SGCZ: variants seen among roughly 807,000 people sequenced by gnomAD.
SGCZ encodes zeta-sarcoglycan.
SGCZ carries 40 observed loss-of-function variants against 41.3 expected under a neutral mutation model. The ratio of observed to expected loss-of-function variants is 0.97; its 90% CI spans 0.75 to 1.26. SGCZ has a LOEUF of 1.26. Among genes scored for constraint, SGCZ ranks in the 50% most tolerant of loss-of-function variants. The pLI is 0.00. For synonymous variants in SGCZ, 206 were observed against 137.5 expected, an observed-to-expected ratio of 1.50 and a Z score of -3.49; for missense variants, 552 against 369.8, an observed-to-expected ratio of 1.49 and a Z score of -4.04.
chr8:14,397,486 T>G (rs1798951860), intron 2 of SGCZ, among the ~76,000 whole-genome samples: 1 of 152,158 alleles, frequency 6.6e-6, no homozygotes, highest in African/African-American at 2.4e-5. Flanking sequence ...GCTGTGATAG[T>G]GTCCAAGTTA....
At chr8:14,155,570 C>T (rs963116482) in intron 5 of SGCZ, among the ~76,000 whole-genome samples, 2 of 151,990 alleles carry the variant, frequency 1.3e-5, no homozygotes, top group Non-Finnish European at 2.9e-5. Context: ...TGAAATGGTG[C>T]TTTTCTAATC....
chr8:14,539,983 C>A (rs1169255185), intron 2 of SGCZ, among the ~76,000 whole-genome samples: 1 of 151,784 alleles, frequency 6.6e-6, no homozygotes, highest in East Asian at 1.9e-4. Flanking sequence ...CAGGTGAACA[C>A]AACACGCTGA....
chr8:14,145,607 A>C (rs553628179), intron 5 of SGCZ, among the ~76,000 whole-genome samples: 12 of 152,356 alleles, frequency 7.9e-5, no homozygotes, highest in African/African-American at 2.9e-4. Flanking sequence ...CAAAAGGACC[A>C]ATCTTGGAGA....
At position 14,412,808 on chromosome 8, in the gene SGCZ, TTTAA is replaced by T. The variant is rs1250449696; in HGVS notation, c.235-88608_235-88605del. Among the ~76,000 whole-genome samples, 4 of 152,130 alleles carry T rather than the reference TTTAA, an allele frequency of 2.6e-5. No homozygotes were observed. The East Asian group carries it at 7.7e-4, about 29-fold the overall frequency. On this transcript the variant is annotated intron_variant, in intron 2 of 7. Transcript: ENST00000382080. ...GCAGCAACTATAAGGATGGCATAAC[TTTAA>T]TTAAAATAGTTGAACTTGAAGAGTA...
In SGCZ at chr8:14,674,928, G is replaced by GCTTTTTTTTTTTTTTTTTTTTTT. The variant is rs1554478141; in HGVS notation, c.40-120003_40-120002insAAAAAAAAAAAAAAAAAAAAAAG. ...GCCAATTTAACCTCTTTTCTTTTCT[G>GCTTTTTTTTTTTTTTTTTTTTTT]TTTTTTTTTTTTTTTTTTTTTTTTT... On this transcript the variant is annotated intron_variant, in intron 1 of 7. Transcript: ENST00000382080. Among the ~76,000 whole-genome samples the GCTTTTTTTTTTTTTTTTTTTTTT allele has an allele frequency of 9.4e-4, 67 of 71,010 alleles. 25 individuals carry two copies. The highest frequency in any genetic ancestry group is 3.1e-3 in the African/African-American group (61 of 19,698). The allele number at this position is 71,010 out of a possible 152,430, so 46.6% of individuals were successfully genotyped here. A position where few individuals can be genotyped will look rare whatever the true frequency, so the allele number is the denominator to read the frequency against.
At chr8:15,226,051 G>A (rs1260244909) in intron 1 of SGCZ, among the ~76,000 whole-genome samples, 1 of 152,148 alleles carries the variant, frequency 6.6e-6, no homozygotes, top group African/African-American at 2.4e-5. Flanking sequence ...AGATAACAAG[G>A]ATAAAATAAT....
chr8:14,868,913 C>G (rs1804037262), intron 1 of SGCZ, among the ~76,000 whole-genome samples: 1 of 152,026 alleles, frequency 6.6e-6, no homozygotes, highest in South Asian at 2.1e-4. Flanking sequence ...CCAGAATAGA[C>G]CAATAACAAG....
chr8:15,051,817 T>C (rs145628208), intron 1 of SGCZ, among the ~76,000 whole-genome samples: 578 of 152,316 alleles, frequency 3.8e-3, no homozygotes, highest in Non-Finnish European at 6.6e-3. Context: ...GTTTTAACCA[T>C]AGCATCAAAA....
intron 1 of SGCZ, among the ~76,000 whole-genome samples, chr8:14,626,592 A>T (rs1319922443): frequency 6.6e-6 from 1 of 152,030 alleles, no homozygotes; most frequent in South Asian, 2.1e-4. Context: ...GTGGGCCCCC[A>T]CTCCAACATG....
Position 14,847,182 on chromosome 8 carries a change from A to AGAAGAAGAAGAG in SGCZ, c.40-292257_40-292256insCTCTTCTTCTTC, listed in dbSNP as rs1413121920. Among the ~76,000 whole-genome samples the AGAAGAAGAAGAG allele has an allele frequency of 8.4e-4, 123 of 147,292 alleles. 1 individual carries two copies. Among genetic ancestry groups the AGAAGAAGAAGAG allele is most frequent in the Non-Finnish European group, 1.3e-3 (84 of 67,200 alleles). On this transcript the variant is annotated intron_variant, in intron 1 of 7. Coordinates refer to ENST00000382080, the MANE Select transcript of SGCZ (RefSeq NM_139167.4). ...AAGAAGAAGAAGAAGAAGAAGAAGA[A>AGAAGAAGAAGAG]GAAGAGAAAAATACCAATTCTACAA...
intron 1 of SGCZ, among the ~76,000 whole-genome samples, chr8:14,640,735 T>C (rs375890651): frequency 2.0e-5 from 3 of 151,640 alleles, no homozygotes; most frequent in African/African-American, 4.8e-5. Context: ...AGCTAAAAGA[T>C]AGGCTGCATC....
intron 2 of SGCZ, among the ~76,000 whole-genome samples, chr8:14,545,591 T>C (rs964472471): frequency 2.6e-5 from 4 of 152,176 alleles, no homozygotes; most frequent in African/African-American, 9.7e-5. Context: ...ATGACACACA[T>C]ATTTCATAAA....
chr8:14,251,040 C>A (rs1245466901), intron 3 of SGCZ, among the ~76,000 whole-genome samples: 1 of 152,104 alleles, frequency 6.6e-6, no homozygotes, highest in Non-Finnish European at 1.5e-5. Flanking sequence ...CCAGCCTGGC[C>A]AACATGGCGA....
rs116122087 is a variant in SGCZ, at chr8:15,136,822, G to C, written c.39+100763C>G. On this transcript the variant is annotated intron_variant, in intron 1 of 7. Coordinates refer to ENST00000382080, the MANE Select transcript of SGCZ (RefSeq NM_139167.4). The stretch of plus-strand genomic sequence containing the variant: ...GTCTCAGGTATTCTTTCAGAGCACT[G>C]TTAGAACGCAATAATCCAGTAAATT... Among the ~76,000 whole-genome samples, 682 of 152,228 alleles carry C rather than the reference G, an allele frequency of 4.5e-3. 7 individuals are homozygous for C. Among genetic ancestry groups the C allele is most frequent in the African/African-American group, 0.016 (649 of 41,554 alleles).
intron 2 of SGCZ, among the ~76,000 whole-genome samples, chr8:14,402,006 T>A (rs1799090638): frequency 6.6e-6 from 1 of 152,112 alleles, no homozygotes; most frequent in Non-Finnish European, 1.5e-5. Flanking sequence ...GGTATCTCAT[T>A]GTGGTTTTGA....
intron 1 of SGCZ, among the ~76,000 whole-genome samples, chr8:14,623,126 A>T (rs1255151704): frequency 1.3e-5 from 2 of 152,188 alleles, no homozygotes; most frequent in Non-Finnish European, 2.9e-5. Flanking sequence ...TCAGTGTATT[A>T]CCATGAAGTA....
At chr8:14,867,722 A>G (rs188426292) in intron 1 of SGCZ, among the ~76,000 whole-genome samples, 1 of 152,218 alleles carries the variant, frequency 6.6e-6, no homozygotes, top group African/African-American at 2.4e-5. Flanking sequence ...AGTGATGTGA[A>G]CACATGGACC....
At chr8:14,614,106 A>G (rs571093859) in intron 1 of SGCZ, among the ~76,000 whole-genome samples, 1 of 152,274 alleles carries the variant, frequency 6.6e-6, no homozygotes, top group East Asian at 1.9e-4. Flanking sequence ...AATCCTTCAG[A>G]TTACATTACA....
At chr8:14,155,912 C>G (rs958757602) in intron 5 of SGCZ, among the ~76,000 whole-genome samples, 1 of 152,042 alleles carries the variant, frequency 6.6e-6, no homozygotes, top group Non-Finnish European at 1.5e-5. Flanking sequence ...GCATGTTACT[C>G]TACTGAATAC....
Sources: allele counts gnomAD v4.1 joint callset (sites outside exome capture counted in the v4.1 genomes callset), GRCh38; gene constraint gnomAD v4.1.1; transcripts MANE v1.5; gene names NCBI Gene and HGNC (gene_info 2026-07-23, HGNC 2026-07-21).